Variants in IQGAP2 observed in about 807,000 individuals in gnomAD.
IQGAP2 encodes IQ motif containing GTPase activating protein 2, also known as ras GTPase-activating-like protein IQGAP2.
IQGAP2 carries 173 observed loss-of-function variants against 201.3 expected under a neutral mutation model. The ratio of observed to expected loss-of-function variants is 0.86; its 90% CI spans 0.76 to 0.98. IQGAP2 has a LOEUF of 0.98. IQGAP2 is among the 50% of genes least tolerant of loss of function. The pLI is 0.00. For missense variants in IQGAP2, 1,687 were observed against 1,864.8 expected (o/e 0.90, Z 1.76); for synonymous variants, 675 against 673.9 (o/e 1.00, Z -0.03).
intron 2 of IQGAP2, among the ~76,000 whole-genome samples, chr5:76,475,887 G>A (rs1034085329): frequency 6.6e-6 from 1 of 152,072 alleles, no homozygotes; most frequent in African/African-American, 2.4e-5. Context: ...CCTCTGCATG[G>A]GAAACAGGGA....
intron 15 of IQGAP2, among the ~76,000 whole-genome samples, chr5:76,632,411 A>G (rs1357688419): frequency 6.6e-6 from 1 of 152,178 alleles, no homozygotes; most frequent in East Asian, 1.9e-4. Context: ...AATTCTGAAT[A>G]TATGAAATAA....
intron 2 of IQGAP2, among the ~76,000 whole-genome samples, chr5:76,548,134 C>T (rs1743206471): frequency 6.6e-6 from 1 of 152,184 alleles, no homozygotes; most frequent in Admixed American, 6.5e-5. Flanking sequence ...CTCATGACTT[C>T]TCTGTGAGGT....
chr5:76,540,287 G>A (rs987119654), intron 2 of IQGAP2, among the ~76,000 whole-genome samples: 1 of 152,138 alleles, frequency 6.6e-6, no homozygotes, highest in African/African-American at 2.4e-5. Context: ...CATTTATTAA[G>A]TAGATACAAG....
At chr5:76,502,901 A>ATTT (rs34968249) in intron 2 of IQGAP2, among the ~76,000 whole-genome samples, 13 of 142,286 alleles carry the variant, frequency 9.1e-5, no homozygotes, top group East Asian at 4.2e-4. Flanking sequence ...ACAGCTGGCT[A>ATTT]TTTTTTTTTT....
At chr5:76,511,541 A>T (rs909199018) in intron 2 of IQGAP2, among the ~76,000 whole-genome samples, 1 of 152,356 alleles carries the variant, frequency 6.6e-6, no homozygotes, top group East Asian at 1.9e-4. Context: ...ACAGTAGGGA[A>T]CAGAGTTGTA....
intron 28 of IQGAP2, among the ~76,000 whole-genome samples, chr5:76,679,026 C>T (rs1745065559): frequency 6.6e-6 from 1 of 152,176 alleles, no homozygotes; most frequent in South Asian, 2.1e-4. Context: ...AGCAATCTAG[C>T]AATGCATTAC....
chr5:76,504,220 A>G (rs1262688645), intron 2 of IQGAP2, among the ~76,000 whole-genome samples: 1 of 152,124 alleles, frequency 6.6e-6, no homozygotes, highest in Non-Finnish European at 1.5e-5. Flanking sequence ...GCATCTCTTC[A>G]GCCTCCTGCC....
chr5:76,408,312 G>A (rs1292882083), intron 1 of IQGAP2, among the ~76,000 whole-genome samples: 1 of 152,214 alleles, frequency 6.6e-6, no homozygotes, highest in African/African-American at 2.4e-5. Context: ...TGGAACAAAG[G>A]TTTGTGAACA....
Position 76,652,854 on chromosome 5 carries a change from T to C in IQGAP2, c.2178+21T>C, listed in dbSNP as rs370139095. ...TGAAGGTAAATACCCTTTCCTACCA[T>C]ACCAAGTGCTTGGCTTAAACGTTTC... On this transcript the variant is annotated intron_variant, in intron 18 of 35. Coordinates refer to ENST00000274364, the MANE Select transcript of IQGAP2 (RefSeq NM_006633.5). 3.3e-5 allele frequency: 49 copies of C among 1,469,094 alleles called. 1 individual carries two copies. The African/African-American group carries it at 4.7e-4, about 14-fold the overall frequency. 91.0% of individuals were successfully genotyped at this position (1,469,094 alleles called of 1,614,324 possible).
chr5:76,663,813 A>G (rs934047732), intron 21 of IQGAP2, among the ~76,000 whole-genome samples: 6 of 152,236 alleles, frequency 3.9e-5, no homozygotes, highest in East Asian at 1.9e-4. Flanking sequence ...GATCACAGGC[A>G]TGAGCCACCA....
At chr5:76,638,686 C>T (rs1223240960) in intron 16 of IQGAP2, among the ~76,000 whole-genome samples, 2 of 152,210 alleles carry the variant, frequency 1.3e-5, no homozygotes, top group Admixed American at 6.5e-5. Context: ...CCCCTCCCTA[C>T]ATAGAGGAAT....
intron 2 of IQGAP2, among the ~76,000 whole-genome samples, chr5:76,553,041 G>A (rs1050680343): frequency 2.6e-5 from 4 of 152,158 alleles, no homozygotes; most frequent in African/African-American, 9.7e-5. Context: ...AGAAAGATAG[G>A]GGCCCGTAGA....
At chr5:76,414,742 A>G (rs529303496) in intron 1 of IQGAP2, among the ~76,000 whole-genome samples, 1 of 152,316 alleles carries the variant, frequency 6.6e-6, no homozygotes, top group East Asian at 1.9e-4. Flanking sequence ...CTGCTTTGGC[A>G]CTGATTCTGG....
At chr5:76,536,226 G>A (rs1313690434) in intron 2 of IQGAP2, among the ~76,000 whole-genome samples, 4 of 151,452 alleles carry the variant, frequency 2.6e-5, no homozygotes, top group Non-Finnish European at 4.4e-5. Flanking sequence ...CAGCCACCAC[G>A]TCTGGCTAAT....
intron 1 of IQGAP2, among the ~76,000 whole-genome samples, chr5:76,407,553 T>G (rs1419358536): frequency 6.6e-6 from 1 of 152,218 alleles, no homozygotes; most frequent in Non-Finnish European, 1.5e-5. Context: ...GATACTGTCT[T>G]CAGTAGACAA....
intron 2 of IQGAP2, among the ~76,000 whole-genome samples, chr5:76,499,711 C>G (rs1039236295): frequency 5.9e-5 from 9 of 152,138 alleles, no homozygotes; most frequent in Non-Finnish European, 1.3e-4. Context: ...GCTGCTTAAC[C>G]TTTTTAAGCT....
At chr5:76,701,340 C>A in intron 34 of IQGAP2, 127 bp downstream of exon 34, 2 of 862,322 alleles carry the variant, frequency 2.3e-6, no homozygotes, top group Non-Finnish European at 1.9e-6. Flanking sequence ...GAAGAATACA[C>A]AAATTGTTAT....
At chr5:76,438,008 GTT>G (rs768892670) in intron 1 of IQGAP2, among the ~76,000 whole-genome samples, 11 of 91,052 alleles carry the variant, frequency 1.2e-4, no homozygotes, top group African/African-American at 3.7e-4. Flanking sequence ...TTGGTCTGTA[GTT>G]TTTTTTTTTT....
chr5:76,572,052 T>C (rs77373975), intron 4 of IQGAP2, among the ~76,000 whole-genome samples: 3,866 of 152,280 alleles, frequency 0.025, 69 homozygotes, highest in Non-Finnish European at 0.041. Context: ...CAACCACTAA[T>C]ATGTTCTCGA....
Sources: gnomAD v4.1 joint callset for allele counts (sites outside exome capture counted in the v4.1 genomes callset) on GRCh38, gnomAD v4.1.1 for gene constraint, MANE v1.5 for transcripts, NCBI Gene and HGNC (gene_info 2026-07-23, HGNC 2026-07-21) for gene names.